NALF1: variants seen among roughly 807,000 people sequenced by gnomAD.
NALF1 encodes family with sequence similarity 155 member A.
In NALF1, 3 loss-of-function variants were observed where a neutral mutation model predicts 48.4. The ratio of observed to expected loss-of-function variants is 0.06; its 90% CI spans 0.03 to 0.16. The LOEUF (loss-of-function observed/expected upper bound fraction) is 0.16. Ranked by LOEUF, NALF1 falls within the 10% of genes least tolerant of loss-of-function variation. The probability of loss-of-function intolerance (pLI) is 1.00; values close to 1 mark genes in which losing one functional copy is unlikely to be tolerated. For synonymous variants in NALF1, 262 were observed against 245.7 expected (o/e 1.07, Z -0.62); for missense variants, 526 against 571.5 (o/e 0.92, Z 0.81).
chr13:107,315,272 A>G (rs1314225903), intron 1 of NALF1, among the ~76,000 whole-genome samples: 1 of 152,054 alleles, frequency 6.6e-6, no homozygotes, highest in Non-Finnish European at 1.5e-5. Context: ...ATAAAGATGT[A>G]CCCTGCTTCA....
At chr13:107,292,265 G>A (rs1258145072) in intron 1 of NALF1, among the ~76,000 whole-genome samples, 1 of 152,176 alleles carries the variant, frequency 6.6e-6, no homozygotes, top group Non-Finnish European at 1.5e-5. Flanking sequence ...CACCTGTATA[G>A]GGCACATGCC....
At chr13:107,773,884 TAA>T in intron 1 of NALF1, among the ~76,000 whole-genome samples, 3 of 151,962 alleles carry the variant, frequency 2.0e-5, no homozygotes, top group Non-Finnish European at 4.4e-5. Flanking sequence ...ATAATAATAA[TAA>T]AAAAATAAAA....
intron 1 of NALF1, among the ~76,000 whole-genome samples, chr13:107,539,627 C>T (rs942824693): frequency 1.3e-5 from 2 of 152,070 alleles, no homozygotes; most frequent in African/African-American, 4.8e-5. Context: ...TATTAAAAAA[C>T]AATACATTAA....
intron 1 of NALF1, among the ~76,000 whole-genome samples, chr13:107,251,578 G>C (rs781749302): frequency 2.6e-5 from 4 of 152,166 alleles, no homozygotes; most frequent in African/African-American, 9.7e-5. Flanking sequence ...GCAAGGAGAG[G>C]TTATAAACTT....
chr13:107,639,386 G>C (rs1158611945), intron 1 of NALF1, among the ~76,000 whole-genome samples: 2 of 152,052 alleles, frequency 1.3e-5, no homozygotes, highest in African/African-American at 2.4e-5. Flanking sequence ...AAACACGATA[G>C]TTCTGTAGAC....
chr13:107,628,710 A>T (rs2138446526), intron 1 of NALF1, among the ~76,000 whole-genome samples: 1 of 152,348 alleles, frequency 6.6e-6, no homozygotes, highest in African/African-American at 2.4e-5. Context: ...GTTAACTTTC[A>T]CATAGAATGC....
chr13:107,643,691 T>G (rs2138460820), intron 1 of NALF1, among the ~76,000 whole-genome samples: 1 of 152,266 alleles, frequency 6.6e-6, no homozygotes, highest in South Asian at 2.1e-4. Flanking sequence ...ACATGTTACT[T>G]TTTATGATGA....
At chr13:107,661,691 T>C (rs1007720837) in intron 1 of NALF1, among the ~76,000 whole-genome samples, 4 of 151,790 alleles carry the variant, frequency 2.6e-5, no homozygotes, top group Non-Finnish European at 5.9e-5. Flanking sequence ...TGAGATAACA[T>C]CCTGTCATCC....
intron 1 of NALF1, among the ~76,000 whole-genome samples, chr13:107,421,511 AC>A (rs1448702924): frequency 3.3e-5 from 5 of 152,218 alleles, no homozygotes; most frequent in Admixed American, 6.5e-5. Context: ...TTATTTCATT[AC>A]ATAAACATAG....
At chr13:107,849,888 T>G (rs1407266261) in intron 1 of NALF1, among the ~76,000 whole-genome samples, 3 of 152,218 alleles carry the variant, frequency 2.0e-5, no homozygotes, top group East Asian at 3.9e-4. Flanking sequence ...AAGGCACTGG[T>G]ATATAATTCA....
At chr13:107,719,064 C>G (rs533813930) in intron 1 of NALF1, among the ~76,000 whole-genome samples, 1 of 152,158 alleles carries the variant, frequency 6.6e-6, no homozygotes, top group Non-Finnish European at 1.5e-5. Flanking sequence ...AGATAATTTA[C>G]GTAGAGTGCC....
chr13:107,681,219 G>A (rs1195220887), intron 1 of NALF1, among the ~76,000 whole-genome samples: 4 of 152,142 alleles, frequency 2.6e-5, no homozygotes, highest in African/African-American at 9.7e-5. Context: ...GAAGCCATGT[G>A]TCTTTATCAG....
chr13:107,507,757 T>C (rs1166257627), intron 1 of NALF1, among the ~76,000 whole-genome samples: 1 of 152,088 alleles, frequency 6.6e-6, no homozygotes, highest in Non-Finnish European at 1.5e-5. Flanking sequence ...GCTATATTTA[T>C]TGAAATCATA....
At chr13:107,431,103 G>C (rs1884373866) in intron 1 of NALF1, among the ~76,000 whole-genome samples, 1 of 152,126 alleles carries the variant, frequency 6.6e-6, no homozygotes, top group Non-Finnish European at 1.5e-5. Flanking sequence ...GTCTTCTTTT[G>C]AGAAGTGTCT....
Position 107,278,468 on chromosome 13 carries a change from T to C in NALF1, c.916-67713A>G, listed in dbSNP as rs144830000. On this transcript the variant is annotated intron_variant, in intron 1 of 2. Coordinates refer to ENST00000375915, the MANE Select transcript of NALF1 (RefSeq NM_001080396.3). ...TGGGGTTTTGTTTTTCCTCCTTTTG[T>C]TCTCTGACTGTATTATAGTCCTTAA... Among the ~76,000 whole-genome samples the C allele has an allele frequency of 6.9e-3, 1,046 of 152,340 alleles. 5 individuals are homozygous for C. The highest frequency in any genetic ancestry group is 0.014 in the South Asian group (68 of 4,832).
At chr13:107,244,426 G>A (rs990853166) in intron 1 of NALF1, among the ~76,000 whole-genome samples, 14 of 152,208 alleles carry the variant, frequency 9.2e-5, no homozygotes, top group African/African-American at 3.4e-4. Flanking sequence ...CATATTATGA[G>A]TTGATTCATT....
At chr13:107,266,666 G>A (rs916464141) in intron 1 of NALF1, among the ~76,000 whole-genome samples, 1 of 152,066 alleles carries the variant, frequency 6.6e-6, no homozygotes, top group African/African-American at 2.4e-5. Flanking sequence ...AGTGTTATGG[G>A]AAAAGCACAC....
intron 1 of NALF1, among the ~76,000 whole-genome samples, chr13:107,288,341 TC>T (rs1311915541): frequency 6.7e-6 from 1 of 149,148 alleles, no homozygotes; most frequent in Non-Finnish European, 1.5e-5. Context: ...TGCCTCAGCC[TC>T]CCGAGTAGCT....
chr13:107,534,757 A>T (rs1332713693), intron 1 of NALF1, among the ~76,000 whole-genome samples: 1 of 152,188 alleles, frequency 6.6e-6, no homozygotes, highest in Admixed American at 6.6e-5. Context: ...ACTCTGAAGC[A>T]GGAGACCCCT....
Sources: gnomAD v4.1 joint callset for allele counts (sites outside exome capture counted in the v4.1 genomes callset) on GRCh38, gnomAD v4.1.1 for gene constraint, MANE v1.5 for transcripts, NCBI Gene and HGNC (gene_info 2026-07-23, HGNC 2026-07-21) for gene names.